Variants in HMGCL observed in about 807,000 individuals in gnomAD.
HMGCL encodes the protein hydroxymethylglutaryl-CoA lyase, mitochondrial.
A neutral mutation model predicts 37.3 loss-of-function variants in HMGCL; 26 were observed. The ratio of observed to expected loss-of-function variants is 0.70; its 90% confidence interval spans 0.51 to 0.97. HMGCL has a LOEUF of 0.97. Ranked by LOEUF, HMGCL falls within the 50% of genes least tolerant of loss-of-function variation. The pLI, the probability that HMGCL is intolerant of heterozygous loss-of-function variation, is 0.00. For synonymous variants in HMGCL, 151 were observed against 148.0 expected (o/e 1.02, Z -0.15); for missense variants, 379 against 398.1 (o/e 0.95, Z 0.41).
intron 7 of HMGCL, among the ~76,000 whole-genome samples, chr1:23,805,706 T>C (rs1638395532): frequency 6.6e-6 from 1 of 152,128 alleles, no homozygotes; most frequent in Non-Finnish European, 1.5e-5. Context: ...GTTGGAGCCC[T>C]TACTGCTCAT....
Position 23,804,460 on chromosome 1 carries a change from T to A in HMGCL, c.816A>T (p.Ala272=), listed in dbSNP as rs141340718. The change falls in exon 8 of 9, where the codon GCA becomes GCT. Residue 272 remains alanine, a synonymous_variant. Coordinates refer to ENST00000374490, the MANE Select transcript of HMGCL (RefSeq NM_000191.3). The part of the protein sequence containing the change: ...GLGGCPYAQG[A]SGNLATEDLV... ...GGTCTTCTGTGGCCAAGTTTCCTGA[T>A]GCCCCCTGTGCGTAGGGACAGCCTC... The A allele has an allele frequency of 2.4e-5, 38 of 1,614,050 alleles. No individual in the cohort carries two copies. The highest frequency in any genetic ancestry group is 3.1e-5 in the Non-Finnish European group (36 of 1,180,016).
chr1:23,804,577 C>G, intron 7 of HMGCL, 52 bp from the exon 8 acceptor site: 13 of 1,605,258 alleles, frequency 8.1e-6, no homozygotes, highest in Non-Finnish European at 1.1e-5. Flanking sequence ...CAAGAGGCCA[C>G]AGAGATGAGC....
chr1:23,816,616 C>T, intron 4 of HMGCL, 59 bp downstream of exon 4: 1 of 1,030,716 alleles, frequency 9.7e-7, no homozygotes, highest in Non-Finnish European at 1.5e-6. Context: ...CAAGACAAGG[C>T]AGGGACCAAT....
rs558109363 is a variant in HMGCL at position 23,806,402 on chromosome 1, C to G, written c.750+1733G>C. 2.0e-5 allele frequency among the ~76,000 whole-genome samples: 3 copies of G among 152,212 alleles called. No individual in the cohort carries two copies. Among genetic ancestry groups the G allele is most frequent in the African/African-American group, 7.2e-5 (3 of 41,462 alleles). Reference sequence around the variant, plus strand: ...CTCTAACCCTGACATCTCTGCCCCCCTCTCCTCAGTCACACTGCTCCCGCC... The same window carrying G: ...CTCTAACCCTGACATCTCTGCCCCCGTCTCCTCAGTCACACTGCTCCCGCC... On this transcript the variant is annotated intron_variant, in intron 7 of 8. Transcript: ENST00000374490. This position sits in a 1 kb window ranked among gnomAD's most constrained non-coding sequence, Gnocchi z 4.0.
intron 5 of HMGCL, among the ~76,000 whole-genome samples, chr1:23,813,240 T>G (rs1487835215): frequency 3.4e-5 from 5 of 145,792 alleles, no homozygotes; most frequent in South Asian, 2.3e-4. Flanking sequence ...TTTTTTTTTT[T>G]TTTTTTTTTT....
chr1:23,815,254 A>C (rs1404889786), intron 4 of HMGCL, among the ~76,000 whole-genome samples: 1 of 151,938 alleles, frequency 6.6e-6, no homozygotes, highest in Non-Finnish European at 1.5e-5. Flanking sequence ...AGAGACACAG[A>C]AAAGGTGGCC....
rs1212444447 is a variant in HMGCL, at chr1:23,825,385, G to A, written c.31C>T (p.Arg11Ter). The A allele has an allele frequency of 2.6e-6, 4 of 1,561,520 alleles. No homozygotes were observed. The highest frequency in any genetic ancestry group is 4.8e-5 in the East Asian group (2 of 41,450). ...CGGAGGGACGCCAAGCCCACCAGTC[G>A]CCGCGGAAGCGCCTTCCTCATTGCT... MAAMRKALPR[R>*]LVGLASLRAV... is the part of the protein sequence containing the mutation. The change falls in exon 1 of 9, where the codon CGA (arginine) becomes TGA (stop). Residue 11 changes from arginine (R) to a stop codon, truncating the protein, a stop_gained. Coordinates refer to ENST00000374490, the MANE Select transcript of HMGCL (RefSeq NM_000191.3). LOFTEE classifies it high-confidence loss of function.
At chr1:23,820,887 C>T (rs906966347) in intron 1 of HMGCL, among the ~76,000 whole-genome samples, 2 of 152,146 alleles carry the variant, frequency 1.3e-5, no homozygotes, top group African/African-American at 2.4e-5. Context: ...ATAGCAGTCC[C>T]GAAACAGAAC....
intron 4 of HMGCL, 42 bp from the exon 5 acceptor site, chr1:23,814,380 T>C (rs1450406854): frequency 5.6e-6 from 9 of 1,608,488 alleles, no homozygotes; most frequent in Non-Finnish European, 7.6e-6. Flanking sequence ...CTTTTCTCTT[T>C]TTTTGTTTGA....
intron 2 of HMGCL, 62 bp from the exon 3 acceptor site, chr1:23,817,645 G>T: frequency 1.0e-6 from 1 of 959,618 alleles, no homozygotes; most frequent in Non-Finnish European, 1.7e-6. Context: ...TCAAAATGCA[G>T]TACCTGTTAG....
chr1:23,812,104 G>T (rs1638529781), intron 5 of HMGCL, among the ~76,000 whole-genome samples: 1 of 152,220 alleles, frequency 6.6e-6, no homozygotes, highest in Admixed American at 6.5e-5. Flanking sequence ...AGCTGGGAGA[G>T]TGGAGCACCC....
rs1230110413 is a variant in HMGCL at position 23,817,515 on chromosome 1, T to C, written c.213A>G (p.Ile71Met). The C allele has an allele frequency of 6.2e-7, 1 of 1,613,798 alleles. No homozygotes were observed. The highest frequency in any genetic ancestry group is 1.7e-5 in the Admixed American group (1 of 60,004). ...TAGGAGACACAAAGCTGGTGGTTTC[T>C]ATAACAGAGAGTCCTGCTTCAGAAA... is the stretch of plus-strand genomic sequence containing the variant. The part of the protein sequence containing the change: ...DMLSEAGLSV[I>M]ETTSFVSPKW... The change falls in exon 3 of 9, where the codon ATA becomes ATG. Residue 71 changes from isoleucine to methionine, a missense_variant. Coordinates refer to ENST00000374490, the MANE Select transcript of HMGCL (RefSeq NM_000191.3).
At chr1:23,817,436 A>G in intron 3 of HMGCL, 40 bp downstream of exon 3, 1 of 1,202,728 alleles carries the variant, frequency 8.3e-7, no homozygotes, top group Non-Finnish European at 1.2e-6. Context: ...AAAACTTTTC[A>G]TCCCTAGAGA....
At chr1:23,811,361 G>A (rs1030074274) in intron 5 of HMGCL, among the ~76,000 whole-genome samples, 2 of 152,242 alleles carry the variant, frequency 1.3e-5, no homozygotes, top group Non-Finnish European at 2.9e-5. Context: ...AGAGCAGTGG[G>A]CAAGACTGAT....
intron 6 of HMGCL, among the ~76,000 whole-genome samples, 174 bp from the exon 7 acceptor site, chr1:23,808,497 G>C (rs1410894364): frequency 1.3e-5 from 2 of 152,172 alleles, no homozygotes; most frequent in Non-Finnish European, 1.5e-5. Flanking sequence ...CTCAATCTAT[G>C]ATCAGGAGAC....
At position 23,802,510 on chromosome 1, in the gene HMGCL, T is replaced by C. The variant is rs1402984817; in HGVS notation, c.931A>G (p.Asn311Asp). 1.9e-6 allele frequency: 3 copies of C among 1,614,006 alleles called. No homozygotes were observed. The highest frequency in any genetic ancestry group is 2.5e-6 in the Non-Finnish European group (3 of 1,179,974). The part of the protein sequence containing the change: ...EAGNFICQAL[N>D]RKTSSKVAQA... ...GCCACTTTGGAGCTAGTTTTTCTGTTCAGGGCTTGACAGATAAAGTTTCCA... is the reference window on the plus strand; with the variant it reads ...GCCACTTTGGAGCTAGTTTTTCTGTCCAGGGCTTGACAGATAAAGTTTCCA... Residue 311 changes from asparagine (N) to aspartate (D), a missense_variant, in exon 9 of 9, where the codon AAC becomes GAC. Transcript: ENST00000374490.
chr1:23,808,040 A>G (rs1638443350), intron 7 of HMGCL, 95 bp downstream of exon 7: 2 of 1,177,952 alleles, frequency 1.7e-6, no homozygotes, highest in Non-Finnish European at 2.5e-6. Context: ...AACCTGGCAT[A>G]CTGGCATCAG....
intron 2 of HMGCL, among the ~76,000 whole-genome samples, chr1:23,818,552 C>T (rs1211016795): frequency 1.3e-5 from 2 of 151,240 alleles, no homozygotes; most frequent in Non-Finnish European, 3.0e-5. Flanking sequence ...AATCTTTCCA[C>T]AAAATTTTTT....
Position 23,802,026 on chromosome 1 carries a change from G to A in HMGCL, c.*437C>T. On this transcript the variant is annotated 3_prime_UTR_variant, in exon 9 of 9. Transcript: ENST00000374490. Reference sequence around the variant, plus strand: ...TCCACAAATGGCCTCTGCCAGCTTGGGAAGAACCTCCATGACCTGTGTCCT... The same window carrying A: ...TCCACAAATGGCCTCTGCCAGCTTGAGAAGAACCTCCATGACCTGTGTCCT... The A allele has an allele frequency of 2.3e-6, 1 of 427,412 alleles. No individual in the cohort carries two copies. Among genetic ancestry groups the A allele is most frequent in the African/African-American group, 2.0e-5 (1 of 50,076 alleles). The allele number at this position is 427,412 out of a possible 1,614,324, so 26.5% of individuals were successfully genotyped here. A position where few individuals can be genotyped will look rare whatever the true frequency, so the allele number is the denominator to read the frequency against.
Sources: gnomAD v4.1 joint callset for allele counts (sites outside exome capture counted in the v4.1 genomes callset) on GRCh38, gnomAD v4.1.1 for gene constraint, Gnocchi (gnomAD v3.1) non-coding constraint, MANE v1.5 for transcripts, NCBI Gene and HGNC (gene_info 2026-07-23, HGNC 2026-07-21) for gene names.